Variants in RCAN2 observed in about 807,000 individuals in gnomAD.
The protein encoded by RCAN2 is regulator of calcineurin 2.
In RCAN2, 9 loss-of-function variants were observed where a neutral mutation model predicts 23.6. That is an observed-to-expected ratio of 0.38 (90% confidence interval 0.23 to 0.67). The LOEUF (loss-of-function observed/expected upper bound fraction) is 0.67. Among genes scored for constraint, RCAN2 ranks in the 30% least tolerant of loss-of-function variants. RCAN2 has a pLI of 0.51. For missense variants in RCAN2, 273 were observed against 302.3 expected, an observed-to-expected ratio of 0.90 and a Z score of 0.72; for synonymous variants, 109 against 115.7, an observed-to-expected ratio of 0.94 and a Z score of 0.37.
rs76688602 is a variant in RCAN2, at chr6:46,432,787, T to C, written c.225+23965A>G. 4.9e-3 allele frequency among the ~76,000 whole-genome samples: 741 copies of C among 152,262 alleles called. 6 individuals carry two copies. Among genetic ancestry groups the C allele is most frequent in the African/African-American group, 0.017 (700 of 41,550 alleles). On this transcript the variant is annotated intron_variant, in intron 2 of 4. Coordinates refer to ENST00000371374, the MANE Select transcript of RCAN2 (RefSeq NM_001251974.2). ...CTTATCTGATTTTGAGGTTTCACAA[T>C]TTAATAATAAGAAGGTGGGATATAT...
intron 4 of RCAN2, among the ~76,000 whole-genome samples, chr6:46,226,713 C>T (rs1765677984): frequency 6.6e-6 from 1 of 152,174 alleles, no homozygotes; most frequent in African/African-American, 2.4e-5. Context: ...TCTAAATATA[C>T]AATCATGTCA....
intron 2 of RCAN2, among the ~76,000 whole-genome samples, chr6:46,340,255 C>T (rs2150372186): frequency 6.6e-6 from 1 of 152,294 alleles, no homozygotes; most frequent in South Asian, 2.1e-4. Flanking sequence ...CTTAATTCCT[C>T]AAGCTTTGAG....
At chr6:46,289,189 C>T (rs1762461802) in intron 2 of RCAN2, among the ~76,000 whole-genome samples, 1 of 152,216 alleles carries the variant, frequency 6.6e-6, no homozygotes, top group Non-Finnish European at 1.5e-5. Context: ...TCCTCTCCTA[C>T]ATGGACCTTC....
At chr6:46,229,618 A>T (rs556817013) in intron 4 of RCAN2, among the ~76,000 whole-genome samples, 3 of 152,298 alleles carry the variant, frequency 2.0e-5, no homozygotes, top group Admixed American at 1.3e-4. Context: ...TTTCAGCTCC[A>T]TCAGGTCATT....
chr6:46,281,718 A>C lies in RCAN2; in HGVS notation c.226-32822T>G, dbSNP rs535189167. Reference sequence around the variant, plus strand: ...TATTAGTGATTCCAATTTATTAATAATCAGAGATGCCATATGTTGAACAGT... The same window carrying C: ...TATTAGTGATTCCAATTTATTAATACTCAGAGATGCCATATGTTGAACAGT... On this transcript the variant is annotated intron_variant, in intron 2 of 4. Transcript: ENST00000371374. Among the ~76,000 whole-genome samples, 101 of 152,314 alleles carry C rather than the reference A, an allele frequency of 6.6e-4. 1 individual carries two copies. Among genetic ancestry groups the C allele is most frequent in the African/African-American group, 2.4e-3 (99 of 41,566 alleles).
At chr6:46,319,260 C>T (rs1763535398) in intron 2 of RCAN2, among the ~76,000 whole-genome samples, 2 of 152,114 alleles carry the variant, frequency 1.3e-5, no homozygotes, top group Admixed American at 1.3e-4. Flanking sequence ...TGTGTCAATT[C>T]TAAGCTTTAT....
At chr6:46,233,803 C>T (rs1474548934) in intron 4 of RCAN2, among the ~76,000 whole-genome samples, 1 of 151,334 alleles carries the variant, frequency 6.6e-6, no homozygotes, top group Non-Finnish European at 1.5e-5. Flanking sequence ...TCTTGGCTCA[C>T]CGCAACCTCT....
chr6:46,417,182 T>C (rs879632078), intron 2 of RCAN2, among the ~76,000 whole-genome samples: 9 of 152,228 alleles, frequency 5.9e-5, no homozygotes, highest in African/African-American at 2.2e-4. Context: ...TTTTTATGAC[T>C]CTTGCTGTAT....
intron 2 of RCAN2, among the ~76,000 whole-genome samples, chr6:46,443,730 G>A (rs1269208296): frequency 6.6e-6 from 1 of 152,138 alleles, no homozygotes; most frequent in Non-Finnish European, 1.5e-5. Flanking sequence ...TGGATTCAGT[G>A]CATTTACATT....
chr6:46,225,745 C>T (rs866634735), intron 4 of RCAN2, among the ~76,000 whole-genome samples: 3 of 152,306 alleles, frequency 2.0e-5, no homozygotes, highest in Middle Eastern at 3.4e-3. Flanking sequence ...TGCCTGCTCA[C>T]TCTGATGGTA....
At chr6:46,468,958 C>G (rs1019671623) in intron 1 of RCAN2, 17 of 397,908 alleles carry the variant, frequency 4.3e-5, no homozygotes, top group Non-Finnish European at 5.8e-5. Flanking sequence ...TAAGTCACTG[C>G]CCCCAGCTGC....
intron 2 of RCAN2, among the ~76,000 whole-genome samples, chr6:46,423,954 G>A (rs1390524217): frequency 6.6e-6 from 1 of 152,012 alleles, no homozygotes; most frequent in South Asian, 2.1e-4. Context: ...AGCACAAAAG[G>A]GTTAGGTAAC....
chr6:46,468,025 C>T (rs1420696097), intron 1 of RCAN2, among the ~76,000 whole-genome samples: 3 of 152,166 alleles, frequency 2.0e-5, no homozygotes, highest in Admixed American at 6.5e-5. Context: ...GCTTACTAGG[C>T]CTCAGTTTCC....
intron 1 of RCAN2, among the ~76,000 whole-genome samples, chr6:46,477,429 GC>G (rs1310222876): frequency 6.6e-6 from 1 of 152,136 alleles, no homozygotes. Context: ...GTGTGCTGAT[GC>G]CTGGCTTTGA....
intron 1 of RCAN2, among the ~76,000 whole-genome samples, chr6:46,475,256 A>G (rs1347384008): frequency 2.0e-5 from 3 of 152,194 alleles, no homozygotes; most frequent in African/African-American, 4.8e-5. Context: ...AGCAGAAGCC[A>G]TTGCTGTTTT....
intron 2 of RCAN2, among the ~76,000 whole-genome samples, chr6:46,308,384 C>A (rs1763133408): frequency 6.6e-6 from 1 of 152,108 alleles, no homozygotes; most frequent in African/African-American, 2.4e-5. Flanking sequence ...GGAGCATGAA[C>A]TCTTCTCTTA....
Position 46,347,577 on chromosome 6 carries a change from T to G in RCAN2, c.226-98681A>C, listed in dbSNP as rs535360000. On this transcript the variant is annotated intron_variant, in intron 2 of 4. Transcript: ENST00000371374. Reference sequence around the variant, plus strand: ...ACCAAAATGTAAAAAGTATCTTATATGTATTTTATAAGGAGATAACATATT... The same window carrying G: ...ACCAAAATGTAAAAAGTATCTTATAGGTATTTTATAAGGAGATAACATATT... Among the ~76,000 whole-genome samples, 15 of 152,374 alleles carry G rather than the reference T, an allele frequency of 9.8e-5. 1 individual carries two copies. The South Asian group carries it at 2.7e-3, about 27-fold the overall frequency.
At chr6:46,333,528 T>C (rs533899266) in intron 2 of RCAN2, among the ~76,000 whole-genome samples, 1 of 152,378 alleles carries the variant, frequency 6.6e-6, no homozygotes, top group African/African-American at 2.4e-5. Context: ...GGACACATTT[T>C]AGAGTGGAAA....
At chr6:46,329,783 C>T (rs2584087) in intron 2 of RCAN2, among the ~76,000 whole-genome samples, 149,214 of 152,324 alleles carry the variant, frequency 0.98, 73,104 homozygotes, top group East Asian at 1. Flanking sequence ...TTGCAATGAC[C>T]GATCACACTG....
Sources: allele counts gnomAD v4.1 joint callset (sites outside exome capture counted in the v4.1 genomes callset), GRCh38; gene constraint gnomAD v4.1.1; transcripts MANE v1.5; gene names NCBI Gene and HGNC (gene_info 2026-07-23, HGNC 2026-07-21).